MIPOL1: variants seen among roughly 807,000 people sequenced by gnomAD.
MIPOL1 encodes mirror-image polydactyly 1, also known as mirror-image polydactyly gene 1 protein.
MIPOL1 carries 57 observed loss-of-function variants against 60.9 expected under a neutral mutation model. That is an observed-to-expected ratio of 0.94 (90% confidence interval 0.76 to 1.17). The LOEUF (loss-of-function observed/expected upper bound fraction) is 1.17, where lower values mean the gene tolerates loss of function less well. Ranked by LOEUF, MIPOL1 falls within the 50% of genes most tolerant of loss-of-function variation. The pLI is 0.00. For synonymous variants in MIPOL1, 179 were observed against 168.8 expected (o/e 1.06, Z -0.47); for missense variants, 551 against 511.6 (o/e 1.08, Z -0.74).
intron 1 of MIPOL1, among the ~76,000 whole-genome samples, chr14:37,211,297 A>G (rs892682626): frequency 5.3e-5 from 8 of 151,618 alleles, no homozygotes; most frequent in African/African-American, 9.7e-5. Flanking sequence ...TTTTAACTTC[A>G]TATTGCTGAA....
At chr14:37,495,093 T>TC (rs2095101492) in intron 11 of MIPOL1, among the ~76,000 whole-genome samples, 1 of 149,124 alleles carries the variant, frequency 6.7e-6, no homozygotes, top group South Asian at 2.1e-4. Context: ...AATCATTGAT[T>TC]CTTTTTTTTT....
intron 10 of MIPOL1, among the ~76,000 whole-genome samples, chr14:37,381,449 A>G (rs769562443): frequency 1.3e-5 from 2 of 152,060 alleles, no homozygotes; most frequent in African/African-American, 2.4e-5. Flanking sequence ...GGATAGCTTT[A>G]AAGACAATAC....
At chr14:37,506,909 A>G (rs2095282424) in intron 12 of MIPOL1, 3 of 152,202 alleles carry the variant, frequency 2.0e-5, no homozygotes, top group Admixed American at 1.3e-4. Flanking sequence ...AATTACAAGA[A>G]AAAAACAAAC....
At chr14:37,325,487 C>T (rs1424004894) in intron 9 of MIPOL1, among the ~76,000 whole-genome samples, 1 of 150,740 alleles carries the variant, frequency 6.6e-6, no homozygotes, top group Admixed American at 6.6e-5. Flanking sequence ...TTTCCTTCTT[C>T]CTCCCTCCCT....
At chr14:37,447,925 T>C (rs1025185894) in intron 11 of MIPOL1, among the ~76,000 whole-genome samples, 11 of 152,140 alleles carry the variant, frequency 7.2e-5, no homozygotes, top group African/African-American at 2.4e-4. Flanking sequence ...GTAGGTGAAC[T>C]AAAGAGATCA....
At chr14:37,264,163 T>G (rs1398621800) in intron 3 of MIPOL1, among the ~76,000 whole-genome samples, 1 of 152,132 alleles carries the variant, frequency 6.6e-6, no homozygotes, top group Non-Finnish European at 1.5e-5. Flanking sequence ...ACTAACTGCT[T>G]TCATCTTCTC....
At chr14:37,455,099 A>G (rs997843653) in intron 11 of MIPOL1, among the ~76,000 whole-genome samples, 2 of 152,170 alleles carry the variant, frequency 1.3e-5, no homozygotes, top group Non-Finnish European at 2.9e-5. Context: ...TATCTGCTGG[A>G]CATTTTCAGT....
chr14:37,537,129 T>G (rs538861075), intron 12 of MIPOL1, among the ~76,000 whole-genome samples: 15 of 152,254 alleles, frequency 9.9e-5, no homozygotes, highest in African/African-American at 3.6e-4. Context: ...TCACAAGATA[T>G]TGGAGATACC....
At chr14:37,366,218 T>C (rs571615476) in intron 9 of MIPOL1, among the ~76,000 whole-genome samples, 1 of 152,200 alleles carries the variant, frequency 6.6e-6, no homozygotes, top group African/African-American at 2.4e-5. Flanking sequence ...TTGCTCTTTC[T>C]TTTCTAGTTC....
intron 12 of MIPOL1, among the ~76,000 whole-genome samples, chr14:37,516,788 AT>A (rs956808118): frequency 1.3e-5 from 2 of 152,216 alleles, no homozygotes; most frequent in African/African-American, 2.4e-5. Flanking sequence ...AATATGCTGT[AT>A]TTTTTTAGAA....
chr14:37,295,138 G>C (rs1439970450), intron 7 of MIPOL1, among the ~76,000 whole-genome samples: 1 of 152,192 alleles, frequency 6.6e-6, no homozygotes, highest in Non-Finnish European at 1.5e-5. Context: ...GCAGAGAGTG[G>C]GGGCCAATAT....
intron 3 of MIPOL1, among the ~76,000 whole-genome samples, chr14:37,257,095 T>TGTGTGTGTG (rs138371471): frequency 6.5e-5 from 9 of 137,708 alleles, no homozygotes; most frequent in Non-Finnish European, 1.1e-4. Context: ...TGGTTTTGTT[T>TGTGTGTGTG]TGTGTGTGTG....
Position 37,308,069 on chromosome 14 carries a change from A to G in MIPOL1, c.637A>G (p.Asn213Asp). 12 of 1,611,122 alleles carry G rather than the reference A, an allele frequency of 7.4e-6. No homozygotes were observed. Among genetic ancestry groups the G allele is most frequent in the Non-Finnish European group, 1.0e-5 (12 of 1,178,224 alleles). ...EMSLKVLENI[N>D]PEENDMTLQE... is the part of the protein sequence containing the mutation. ...CCTTTTTTCTAGGCTAGAAAATATT[A>G]ACCCTGAAGAAAATGACATGGTAAG... Residue 213 changes from asparagine to aspartate, a missense_variant, in exon 8 of 13, where the codon AAC becomes GAC. Physicochemically the swap from Asn to Asp is conservative, Grantham distance 23 (BLOSUM62 1). Transcript: ENST00000684589.
At chr14:37,542,947 C>T (rs1159151) in intron 12 of MIPOL1, among the ~76,000 whole-genome samples, 115,069 of 152,090 alleles carry the variant, frequency 0.76, 43,891 homozygotes, top group African/African-American at 0.85. Flanking sequence ...CCCACTTTTA[C>T]GTCCTACTGA....
intron 10 of MIPOL1, among the ~76,000 whole-genome samples, chr14:37,411,102 T>A (rs1008413475): frequency 8.5e-5 from 13 of 152,054 alleles, no homozygotes; most frequent in Non-Finnish European, 1.8e-4. Context: ...TAGATTGAAA[T>A]TTAAAAAATA....
chr14:37,498,118 T>G (rs1389841998), intron 11 of MIPOL1, among the ~76,000 whole-genome samples: 2 of 152,064 alleles, frequency 1.3e-5, no homozygotes, highest in Non-Finnish European at 2.9e-5. Flanking sequence ...TTGAGGAAAA[T>G]AAGCCAGACA....
At chr14:37,297,343 G>A (rs1373961568) in intron 7 of MIPOL1, among the ~76,000 whole-genome samples, 1 of 152,102 alleles carries the variant, frequency 6.6e-6, no homozygotes, top group African/African-American at 2.4e-5. Context: ...CCCACAGCCA[G>A]TATCATACTG....
intron 3 of MIPOL1, among the ~76,000 whole-genome samples, chr14:37,251,362 C>T (rs757456995): frequency 5.3e-5 from 8 of 152,020 alleles, no homozygotes; most frequent in Admixed American, 1.3e-4. Flanking sequence ...ACAACTGTAT[C>T]TAGCCCCCAA....
At chr14:37,245,365 AAC>A (rs1973031072) in intron 1 of MIPOL1, among the ~76,000 whole-genome samples, 1 of 152,140 alleles carries the variant, frequency 6.6e-6, no homozygotes, top group Admixed American at 6.5e-5. Flanking sequence ...AGAGGATTTA[AAC>A]ACATTGGCAC....
Sources: allele counts gnomAD v4.1 joint callset (sites outside exome capture counted in the v4.1 genomes callset), GRCh38; gene constraint gnomAD v4.1.1; transcripts MANE v1.5; gene names NCBI Gene and HGNC (gene_info 2026-07-23, HGNC 2026-07-21).